LRP1: variants seen among roughly 807,000 people sequenced by gnomAD.
The protein encoded by LRP1 is prolow-density lipoprotein receptor-related protein 1.
A neutral mutation model predicts 541.5 loss-of-function variants in LRP1; 51 were observed. That is an observed-to-expected ratio of 0.09 (90% CI 0.08 to 0.12). The LOEUF (loss-of-function observed/expected upper bound fraction) is 0.12, where lower values mean the gene tolerates loss of function less well. Among genes scored for constraint, LRP1 ranks in the 10% least tolerant of loss-of-function variants. The pLI is 1.00. For missense variants in LRP1, 3,878 were observed against 6,376.2 expected, an observed-to-expected ratio of 0.61 and a Z score of 13.34; for synonymous variants, 2,219 against 2,470.8, an observed-to-expected ratio of 0.90 and a Z score of 3.02.
chr12:57,166,508 C>T, intron 17 of LRP1: 1 of 416,514 alleles, frequency 2.4e-6, no homozygotes, highest in Admixed American at 4.1e-5. Context: ...CTGCAGTGAG[C>T]CATGGTCATG....
intron 41 of LRP1, among the ~76,000 whole-genome samples, chr12:57,186,594 C>T (rs555093815): frequency 1.3e-5 from 2 of 152,314 alleles, no homozygotes; most frequent in East Asian, 3.9e-4. Context: ...TTCTGCTGCA[C>T]ATAGTCCAGC....
Position 57,190,874 on chromosome 12 carries a change from T to C in LRP1, c.7101T>C (p.Asn2367=). 2 of 1,613,978 alleles carry C rather than the reference T, an allele frequency of 1.2e-6. No individual in the cohort carries two copies. The highest frequency in any genetic ancestry group is 1.1e-5 in the South Asian group (1 of 91,088). Residue 2367 remains asparagine (N), a synonymous_variant, in exon 43 of 89, where the codon AAT becomes AAC. Coordinates refer to ENST00000243077, the MANE Select transcript of LRP1 (RefSeq NM_002332.3). ...SIMRAALSGA[N]VLTLIEKDIR... is the part of the protein sequence containing the mutation. ...TGCGGGCGGCGCTCTCGGGAGCCAA[T>C]GTCCTGACCCTTATCGAGAAGGACA...
In LRP1 at chr12:57,197,211, G is replaced by C; in HGVS notation, c.9076+46G>C. The stretch of plus-strand genomic sequence containing the variant: ...GCATGAGGTGACCCAGGCTGTGTGG[G>C]ACTGCCCGGGTGGCAGAGCTCCAGA... On this transcript the variant is annotated intron_variant, in intron 56 of 88. Coordinates refer to ENST00000243077, the MANE Select transcript of LRP1 (RefSeq NM_002332.3). This position sits in a 1 kb window ranked among gnomAD's most constrained non-coding sequence, Gnocchi z 4.5. 1 of 1,613,140 alleles carries C rather than the reference G, an allele frequency of 6.2e-7. No homozygotes were observed.
intron 12 of LRP1, 22 bp downstream of exon 12, chr12:57,160,027 G>A (rs762638295): frequency 1.2e-6 from 2 of 1,610,710 alleles, no homozygotes; most frequent in South Asian, 1.1e-5. Context: ...CAGGCCTTGG[G>A]GTGGGAGGAG....
At chr12:57,190,097 T>C (rs6581129) in intron 42 of LRP1, among the ~76,000 whole-genome samples, 150,116 of 152,240 alleles carry the variant, frequency 0.99, 74,043 homozygotes, top group East Asian at 1. Context: ...CATTCAAAGT[T>C]GGAGCCGTTA....
chr12:57,163,226 A>G (rs1270052451), intron 15 of LRP1, among the ~76,000 whole-genome samples: 1 of 152,238 alleles, frequency 6.6e-6, no homozygotes, highest in African/African-American at 2.4e-5. Context: ...AACTGAGTGA[A>G]GAATGGACAG....
Position 57,179,577 on chromosome 12 carries a change from C to A in LRP1, c.4966+21C>A. The stretch of plus-strand genomic sequence containing the variant: ...TGCAGGTTCTTCCTGGCCCTGGATG[C>A]CCACCAGTGGACATGGGCACCTCCA... On this transcript the variant is annotated intron_variant, in intron 29 of 88. Coordinates refer to ENST00000243077, the MANE Select transcript of LRP1 (RefSeq NM_002332.3). The surrounding 1 kb of genome is among the most constrained non-coding windows in gnomAD (Gnocchi z 6.8). 2 of 1,599,260 alleles carry A rather than the reference C, an allele frequency of 1.3e-6. No individual in the cohort carries two copies. The highest frequency in any genetic ancestry group is 8.6e-7 in the Non-Finnish European group (1 of 1,167,560).
At chr12:57,131,554 T>C (rs773977808) in intron 1 of LRP1, among the ~76,000 whole-genome samples, 12 of 152,198 alleles carry the variant, frequency 7.9e-5, no homozygotes, top group African/African-American at 1.4e-4. Flanking sequence ...GTTATGAAGC[T>C]GGGGTGTTAG....
chr12:57,203,698 G>A (rs751127080), intron 70 of LRP1, 177 bp downstream of exon 70: 139 of 796,274 alleles, frequency 1.7e-4, no homozygotes, highest in Non-Finnish European at 2.4e-4. Context: ...TAGTAAACAA[G>A]ACACAGGGCC....
intron 20 of LRP1, among the ~76,000 whole-genome samples, chr12:57,170,886 C>T (rs2136692800): frequency 6.6e-6 from 1 of 152,216 alleles, no homozygotes; most frequent in South Asian, 2.1e-4. Flanking sequence ...ACCCATGGAC[C>T]ACTAGATTAC....
chr12:57,191,647 C>A, intron 44 of LRP1, 135 bp downstream of exon 44: 1 of 755,724 alleles, frequency 1.3e-6, no homozygotes, highest in Non-Finnish European at 2.1e-6. Flanking sequence ...ACACATACTA[C>A]ACTACACACA....
At chr12:57,196,877 C>G in intron 55 of LRP1, 105 bp from the exon 56 acceptor site, 1 of 996,048 alleles carries the variant, frequency 1.0e-6, no homozygotes, top group Non-Finnish European at 1.5e-6. Flanking sequence ...TGCTGCTGCC[C>G]CTAGTGAGGC....
In LRP1 at chr12:57,189,758, G is replaced by A. The variant is rs1462410249; in HGVS notation, c.7032-1047G>A. Reference sequence around the variant, plus strand: ...AGGTCCTGTTAGGGAACTGGAGAACGGAGCTGGCTTTTGTGTGGCTTGGTG... The same window carrying A: ...AGGTCCTGTTAGGGAACTGGAGAACAGAGCTGGCTTTTGTGTGGCTTGGTG... On this transcript the variant is annotated intron_variant, in intron 42 of 88. Coordinates refer to ENST00000243077, the MANE Select transcript of LRP1 (RefSeq NM_002332.3). This position sits in a 1 kb window ranked among gnomAD's most constrained non-coding sequence, Gnocchi z 4.4. Among the ~76,000 whole-genome samples the A allele has an allele frequency of 6.6e-6, 1 of 152,122 alleles. No individual in the cohort carries two copies. The highest frequency in any genetic ancestry group is 1.5e-5 in the Non-Finnish European group (1 of 68,030).
chr12:57,143,575 A>G lies in LRP1; in HGVS notation c.329-104A>G, dbSNP rs949974549. 15 of 1,414,716 alleles carry G rather than the reference A, an allele frequency of 1.1e-5. No individual in the cohort carries two copies. The African/African-American group carries it at 2.1e-4, about 20-fold the overall frequency. The allele number at this position is 1,414,716 out of a possible 1,614,324, so 87.6% of individuals were successfully genotyped here. On this transcript the variant is annotated intron_variant, in intron 3 of 88. Coordinates refer to ENST00000243077, the MANE Select transcript of LRP1 (RefSeq NM_002332.3). Reference sequence around the variant, plus strand: ...TTCTGTCTCTGACACTGCAGCCCTTAGAAGTGGTTTCTGAAGGTTGACTGG... The same window carrying G: ...TTCTGTCTCTGACACTGCAGCCCTTGGAAGTGGTTTCTGAAGGTTGACTGG...
chr12:57,207,357 A>C (rs1226513979), intron 76 of LRP1, among the ~76,000 whole-genome samples: 1 of 143,336 alleles, frequency 7.0e-6, no homozygotes, highest in East Asian at 2.1e-4. Flanking sequence ...AAGATTAGCC[A>C]GGCGTGGTGG....
chr12:57,185,920 C>T lies in LRP1; in HGVS notation c.6841+12C>T, dbSNP rs2036260867. 1 of 1,605,122 alleles carries T rather than the reference C, an allele frequency of 6.2e-7. No individual in the cohort carries two copies. The highest frequency in any genetic ancestry group is 8.5e-7 in the Non-Finnish European group (1 of 1,174,284). On this transcript the variant is annotated intron_variant, in intron 41 of 88. Transcript: ENST00000243077. This position sits in a 1 kb window ranked among gnomAD's most constrained non-coding sequence, Gnocchi z 4.9. ...CACCATTGTGGAAAGTGAGCCCAGA[C>T]CCTAAGTCTTCCCAGGAAGTGGGAC...
chr12:57,185,922 C>A lies in LRP1; in HGVS notation c.6841+14C>A, dbSNP rs1331509471. The A allele has an allele frequency of 6.2e-7, 1 of 1,604,276 alleles. No individual in the cohort carries two copies. The highest frequency in any genetic ancestry group is 2.2e-5 in the East Asian group (1 of 44,772). Reference sequence around the variant, plus strand: ...CCATTGTGGAAAGTGAGCCCAGACCCTAAGTCTTCCCAGGAAGTGGGACAT... The same window carrying A: ...CCATTGTGGAAAGTGAGCCCAGACCATAAGTCTTCCCAGGAAGTGGGACAT... On this transcript the variant is annotated intron_variant, in intron 41 of 88. Transcript: ENST00000243077. The surrounding 1 kb of genome is among the most constrained non-coding windows in gnomAD (Gnocchi z 4.9).
At chr12:57,200,066 C>T (rs780868664) in intron 62 of LRP1, 41 bp downstream of exon 62, 1 of 1,538,076 alleles carries the variant, frequency 6.5e-7, no homozygotes, top group South Asian at 1.2e-5. Context: ...TGCCCGCTCC[C>T]CAACCCCCAA....
At chr12:57,203,730 G>A (rs1041186766) in intron 70 of LRP1, 3 of 635,360 alleles carry the variant, frequency 4.7e-6, no homozygotes, top group South Asian at 4.7e-5. Flanking sequence ...ATTTTTGTGC[G>A]GGTTGTGCCC....
Sources: allele counts gnomAD v4.1 joint callset (sites outside exome capture counted in the v4.1 genomes callset), GRCh38; gene constraint gnomAD v4.1.1; non-coding constraint Gnocchi (gnomAD v3.1); transcripts MANE v1.5; gene names NCBI Gene and HGNC (gene_info 2026-07-23, HGNC 2026-07-21).